The following SLC25A12 variants were observed in gnomAD, a reference collection of about 807,000 sequenced individuals.
The protein encoded by SLC25A12 is solute carrier family 25 member 12.
In SLC25A12, 32 loss-of-function variants were observed where a neutral mutation model predicts 83.3. The ratio of observed to expected loss-of-function variants is 0.38; its 90% CI spans 0.29 to 0.52. The LOEUF is 0.52. Among genes scored for constraint, SLC25A12 ranks in the 20% least tolerant of loss-of-function variants. The pLI is 0.84. For missense variants in SLC25A12, 611 were observed against 835.6 expected, an observed-to-expected ratio of 0.73 and a Z score of 3.31; for synonymous variants, 267 against 291.1, an observed-to-expected ratio of 0.92 and a Z score of 0.84.
intron 9 of SLC25A12, among the ~76,000 whole-genome samples, chr2:171,825,568 T>A (rs1301955852): frequency 1.3e-5 from 2 of 151,852 alleles, no homozygotes; most frequent in South Asian, 4.1e-4. Context: ...ATTTAGTAAC[T>A]GTCTCTCTCT....
intron 9 of SLC25A12, among the ~76,000 whole-genome samples, chr2:171,819,386 T>TATATTATATATAATATATA (rs1684132764): frequency 8.7e-6 from 1 of 115,138 alleles, no homozygotes; most frequent in East Asian, 2.3e-4. Context: ...TTATATATAA[T>TATATTATATATAATATATA]ATATATTATA....
rs138410776 is a variant in SLC25A12 at position 171,805,299 on chromosome 2, C to T, written c.1305+4307G>A. On this transcript the variant is annotated intron_variant, in intron 13 of 17. Coordinates refer to ENST00000422440, the MANE Select transcript of SLC25A12 (RefSeq NM_003705.5). The stretch of plus-strand genomic sequence containing the variant: ...AATTTTTTTGTATTTTCAGTAGAGA[C>T]GGGGTTTCACTATGTTGGCCAGGCT... 1.6e-4 allele frequency among the ~76,000 whole-genome samples: 24 copies of T among 151,904 alleles called. 1 individual carries two copies. The highest frequency in any genetic ancestry group is 5.8e-4 in the African/African-American group (24 of 41,432).
At chr2:171,787,470 T>A (rs1286377964) in intron 17 of SLC25A12, 101 bp downstream of exon 17, 5 of 934,954 alleles carry the variant, frequency 5.3e-6, no homozygotes, top group South Asian at 1.3e-5. Context: ...GGTTCTGTCT[T>A]ATCAGTTTTC....
intron 4 of SLC25A12, among the ~76,000 whole-genome samples, chr2:171,845,449 A>G (rs1684774446): frequency 6.6e-6 from 1 of 152,194 alleles, no homozygotes; most frequent in Admixed American, 6.5e-5. Flanking sequence ...CTTAAGAACA[A>G]AATTATTTTC....
chr2:171,894,158 A>T, intron 1 of SLC25A12, 45 bp downstream of exon 1: 1 of 1,597,288 alleles, frequency 6.3e-7, no homozygotes, highest in Non-Finnish European at 8.5e-7. Context: ...GGGCGCTCGG[A>T]ATGTCTCTTA....
At chr2:171,807,172 G>C (rs1168648712) in intron 13 of SLC25A12, among the ~76,000 whole-genome samples, 1 of 152,174 alleles carries the variant, frequency 6.6e-6, no homozygotes, top group Non-Finnish European at 1.5e-5. Context: ...TTTAGAGCAA[G>C]GGGGAAGCAG....
chr2:171,789,354 C>G (rs368290773), intron 15 of SLC25A12, among the ~76,000 whole-genome samples: 8 of 152,176 alleles, frequency 5.3e-5, no homozygotes, highest in East Asian at 1.9e-4. Flanking sequence ...TCAGCCTCCC[C>G]AGTAGCTGGG....
intron 2 of SLC25A12, among the ~76,000 whole-genome samples, chr2:171,877,395 G>A (rs531575224): frequency 5.3e-5 from 8 of 152,034 alleles, no homozygotes; most frequent in South Asian, 4.2e-4. Flanking sequence ...GGCTGGGCAC[G>A]GTGGCTCACA....
intron 8 of SLC25A12, among the ~76,000 whole-genome samples, chr2:171,832,478 C>A (rs1384585746): frequency 1.3e-5 from 2 of 152,216 alleles, no homozygotes; most frequent in Non-Finnish European, 1.5e-5. Flanking sequence ...CTGTGTGGAA[C>A]TAGTTGTACT....
chr2:171,846,278 A>G (rs1222967320), intron 4 of SLC25A12, among the ~76,000 whole-genome samples: 2 of 152,126 alleles, frequency 1.3e-5, no homozygotes, highest in Non-Finnish European at 2.9e-5. Flanking sequence ...TAACATTACA[A>G]TTATTAAAGG....
At chr2:171,818,835 G>A (rs1684112255) in intron 9 of SLC25A12, among the ~76,000 whole-genome samples, 1 of 151,754 alleles carries the variant, frequency 6.6e-6, no homozygotes, top group Non-Finnish European at 1.5e-5. Flanking sequence ...ACTATTAATG[G>A]GTAGAATAAA....
chr2:171,804,651 T>C (rs1245277182), intron 13 of SLC25A12, among the ~76,000 whole-genome samples: 1 of 152,196 alleles, frequency 6.6e-6, no homozygotes, highest in Non-Finnish European at 1.5e-5. Context: ...GTGGCTCGTA[T>C]CTGTAACTCT....
intron 9 of SLC25A12, among the ~76,000 whole-genome samples, chr2:171,825,088 C>T (rs969581678): frequency 2.0e-5 from 3 of 152,166 alleles, no homozygotes; most frequent in African/African-American, 7.2e-5. Context: ...GCATTACAGG[C>T]ATAAGCCACT....
chr2:171,815,063 TG>T, intron 10 of SLC25A12, 57 bp downstream of exon 10: 3 of 1,373,638 alleles, frequency 2.2e-6, no homozygotes, highest in Non-Finnish European at 3.1e-6. Context: ...TGCCTCAGTC[TG>T]GTGAGATAAT....
At chr2:171,886,671 G>A (rs899393167) in intron 2 of SLC25A12, among the ~76,000 whole-genome samples, 13 of 151,692 alleles carry the variant, frequency 8.6e-5, no homozygotes, top group Admixed American at 5.9e-4. Context: ...CACCATGCCC[G>A]GCTAATTTTT....
chr2:171,871,838 G>A (rs1685463040), intron 2 of SLC25A12: 1 of 680,896 alleles, frequency 1.5e-6, no homozygotes, highest in Non-Finnish European at 1.8e-6. Flanking sequence ...AGAATCACTT[G>A]AACCTGGGAG....
chr2:171,877,672 G>GAAAAAAAA, intron 2 of SLC25A12, among the ~76,000 whole-genome samples: 1 of 93,218 alleles, frequency 1.1e-5, no homozygotes, highest in Non-Finnish European at 2.1e-5. Context: ...TCCATCCCAG[G>GAAAAAAAA]AAAAAAAAAA....
intron 1 of SLC25A12, among the ~76,000 whole-genome samples, chr2:171,893,892 C>A (rs1685995001): frequency 6.6e-6 from 1 of 152,134 alleles, no homozygotes; most frequent in Admixed American, 6.6e-5. Context: ...CCTCCCACAC[C>A]CTTTCTGATG....
intron 9 of SLC25A12, among the ~76,000 whole-genome samples, chr2:171,819,434 AATAT>A (rs1185220329): frequency 2.2e-5 from 2 of 91,964 alleles, no homozygotes; most frequent in Admixed American, 2.9e-4. Flanking sequence ...TATACATAAT[AATAT>A]ATAATATATA....
Sources: allele counts gnomAD v4.1 joint callset (sites outside exome capture counted in the v4.1 genomes callset), GRCh38; gene constraint gnomAD v4.1.1; transcripts MANE v1.5; gene names NCBI Gene and HGNC (gene_info 2026-07-23, HGNC 2026-07-21).